Variants in LRP6 observed in about 807,000 individuals in gnomAD.
LRP6 encodes low-density lipoprotein receptor-related protein 6.
In LRP6, 43 loss-of-function variants were observed where a neutral mutation model predicts 184.1. That is an observed-to-expected ratio of 0.23 (90% confidence interval 0.18 to 0.30). LRP6 has a LOEUF of 0.30. LRP6 is among the 10% of genes least tolerant of loss of function. The pLI, the probability that LRP6 is intolerant of heterozygous loss-of-function variation, is 1.00. For missense variants in LRP6, 1,571 were observed against 2,005.3 expected (o/e 0.78, Z 4.14); for synonymous variants, 719 against 684.9 (o/e 1.05, Z -0.78).
intron 7 of LRP6, among the ~76,000 whole-genome samples, chr12:12,174,550 G>A (rs923650734): frequency 6.6e-6 from 1 of 152,060 alleles, no homozygotes; most frequent in Non-Finnish European, 1.5e-5. Context: ...TTCTTAATGA[G>A]GAATTAATCT....
chr12:12,163,859 C>T (rs1862801387), intron 9 of LRP6, among the ~76,000 whole-genome samples: 2 of 152,082 alleles, frequency 1.3e-5, no homozygotes, highest in East Asian at 1.9e-4. Flanking sequence ...TTTGGCTGGG[C>T]GCGGTGGCTC....
At chr12:12,185,841 T>C (rs1369912309) in intron 4 of LRP6, among the ~76,000 whole-genome samples, 2 of 102,366 alleles carry the variant, frequency 2.0e-5, no homozygotes, top group Non-Finnish European at 4.3e-5. Flanking sequence ...TGTGTGTGTG[T>C]TTTTTGTTTT....
intron 2 of LRP6, among the ~76,000 whole-genome samples, chr12:12,218,508 ATAATAATAATAC>A (rs1382738878): frequency 1.4e-5 from 2 of 143,738 alleles, no homozygotes; most frequent in Non-Finnish European, 3.1e-5. Flanking sequence ...AATAATAATA[ATAATAATAATAC>A]TATACAATTT....
intron 7 of LRP6, among the ~76,000 whole-genome samples, chr12:12,176,990 G>A (rs186352525): frequency 6.6e-6 from 1 of 151,870 alleles, no homozygotes; most frequent in Non-Finnish European, 1.5e-5. Flanking sequence ...TAGGATTACA[G>A]GTGCCCGCCA....
intron 15 of LRP6, among the ~76,000 whole-genome samples, chr12:12,139,617 G>A (rs1330956310): frequency 6.6e-6 from 1 of 152,144 alleles, no homozygotes; most frequent in African/African-American, 2.4e-5. Flanking sequence ...CAGGTACTCA[G>A]GAGGCTGAGA....
intron 11 of LRP6, 62 bp from the exon 12 acceptor site, chr12:12,159,217 G>C (rs947167600): frequency 2.4e-6 from 3 of 1,255,214 alleles, no homozygotes; most frequent in Non-Finnish European, 3.5e-6. Context: ...GAGAATACAA[G>C]TGTCTTGCTG....
chr12:12,216,836 T>TCCC (rs1412027089), intron 2 of LRP6, among the ~76,000 whole-genome samples: 1 of 74,490 alleles, frequency 1.3e-5, no homozygotes, highest in Non-Finnish European at 2.7e-5. Context: ...CCACACACCC[T>TCCC]CCCCCTCCCT....
intron 2 of LRP6, among the ~76,000 whole-genome samples, chr12:12,225,505 G>A (rs1465440578): frequency 7.2e-5 from 11 of 152,176 alleles, no homozygotes; most frequent in Admixed American, 7.2e-4. Flanking sequence ...GCTTAGTATA[G>A]ACAAATCTGA....
At chr12:12,151,131 C>CA (rs1481210344) in intron 12 of LRP6, 93 bp from the exon 13 acceptor site, 1 of 1,124,824 alleles carries the variant, frequency 8.9e-7, no homozygotes, top group African/African-American at 1.5e-5. Context: ...GTATTTCATA[C>CA]AAAACAGACA....
At chr12:12,168,809 C>T (rs374698360) in intron 7 of LRP6, among the ~76,000 whole-genome samples, 1 of 152,064 alleles carries the variant, frequency 6.6e-6, no homozygotes, top group East Asian at 1.9e-4. Flanking sequence ...CAGTTGTATT[C>T]CTGAATTCAG....
chr12:12,263,266 T>C (rs368566223), intron 1 of LRP6, among the ~76,000 whole-genome samples: 2 of 44,434 alleles, frequency 4.5e-5, no homozygotes, highest in African/African-American at 1.5e-4. Context: ...ACTCTGTCTT[T>C]AAAAAAAAAA....
intron 3 of LRP6, among the ~76,000 whole-genome samples, chr12:12,191,873 T>C (rs958283671): frequency 6.6e-6 from 1 of 151,430 alleles, no homozygotes; most frequent in Non-Finnish European, 1.5e-5. Context: ...GAAAAAAATA[T>C]TTTCAAAAAA....
rs573834698 is a variant in LRP6, at chr12:12,175,529, T to C, written c.1545+4281A>G. Among the ~76,000 whole-genome samples, 3 of 150,602 alleles carry C rather than the reference T, an allele frequency of 2.0e-5. No homozygotes were observed. In the South Asian group the frequency reaches 6.3e-4, roughly 32 times the overall value. On this transcript the variant is annotated intron_variant, in intron 7 of 22. Coordinates refer to ENST00000261349, the MANE Select transcript of LRP6 (RefSeq NM_002336.3). ...AGTGAAACCCCGTCTCTACTAAAAATACAAAAAATTAGCCAAGCGTGGTAG... is the reference window on the plus strand; with the variant it reads ...AGTGAAACCCCGTCTCTACTAAAAACACAAAAAATTAGCCAAGCGTGGTAG...
At chr12:12,131,264 G>A (rs533781869) in intron 18 of LRP6, among the ~76,000 whole-genome samples, 41 of 151,622 alleles carry the variant, frequency 2.7e-4, no homozygotes, top group Non-Finnish European at 4.7e-4. Flanking sequence ...TCTGCCACCA[G>A]GCCCGGCTAA....
intron 16 of LRP6, among the ~76,000 whole-genome samples, chr12:12,137,246 G>A (rs140423693): frequency 3.7e-4 from 56 of 152,078 alleles, no homozygotes; most frequent in African/African-American, 1.1e-3. Context: ...TGGCATCCCC[G>A]GTACCATCAT....
At position 12,149,160 on chromosome 12, in the gene LRP6, A is replaced by G. The variant is rs768030946; in HGVS notation, c.2995-7T>C. The stretch of plus-strand genomic sequence containing the variant: ...TCACAACCACAGTAAAGCCCTAGGG[A>G]AAAAAAGAAATACAGAGAAAATTAA... On this transcript the variant is annotated splice_polypyrimidine_tract_variant and splice_region_variant and intron_variant, in intron 13 of 22. Transcript: ENST00000261349. The G allele has an allele frequency of 1.9e-6, 3 of 1,607,806 alleles. No homozygotes were observed. Among genetic ancestry groups the G allele is most frequent in the South Asian group, 2.2e-5 (2 of 90,934 alleles).
intron 10 of LRP6, 82 bp downstream of exon 10, chr12:12,162,111 T>C (rs567813775): frequency 9.3e-7 from 1 of 1,074,856 alleles, no homozygotes; most frequent in African/African-American, 1.5e-5. Context: ...ATTTAAAACA[T>C]TAAGAATATC....
At chr12:12,153,432 T>G (rs1457856134) in intron 12 of LRP6, among the ~76,000 whole-genome samples, 2 of 152,206 alleles carry the variant, frequency 1.3e-5, no homozygotes, top group Non-Finnish European at 2.9e-5. Context: ...TGCTGGGTAC[T>G]CTCTTTTCCA....
At chr12:12,265,005 C>T (rs1335946451) in intron 1 of LRP6, among the ~76,000 whole-genome samples, 1 of 152,150 alleles carries the variant, frequency 6.6e-6, no homozygotes, top group African/African-American at 2.4e-5. Flanking sequence ...GCATTTACAT[C>T]ACACGCTTCT....
Sources: gnomAD v4.1 joint callset for allele counts (sites outside exome capture counted in the v4.1 genomes callset) on GRCh38, gnomAD v4.1.1 for gene constraint, MANE v1.5 for transcripts, NCBI Gene and HGNC (gene_info 2026-07-23, HGNC 2026-07-21) for gene names.